Variants in KCNN2 observed in about 807,000 individuals in gnomAD.
The protein encoded by KCNN2 is potassium calcium-activated channel subfamily N member 2, also known as small conductance calcium-activated potassium channel protein 2.
Under a neutral mutation model 55.5 loss-of-function variants are expected in KCNN2, and 24 were observed. That is an observed-to-expected ratio of 0.43 (90% CI 0.31 to 0.61). The LOEUF is 0.61. Among genes scored for constraint, KCNN2 ranks in the 20% least tolerant of loss-of-function variants. KCNN2 has a pLI of 0.08. For synonymous variants in KCNN2, 431 were observed against 336.1 expected (o/e 1.28, Z -3.09); for missense variants, 754 against 853.6 (o/e 0.88, Z 1.45).
At chr5:114,363,304 T>G (rs758233353) in intron 1 of KCNN2, 43 bp downstream of exon 1, 1 of 1,520,634 alleles carries the variant, frequency 6.6e-7, no homozygotes, top group Admixed American at 2.0e-5. Flanking sequence ...AGTCGGGCAC[T>G]GGGTGGTTGG....
chr5:114,140,597 A>G (rs76561310), intron 1 of KCNN2, among the ~76,000 whole-genome samples: 16,551 of 152,064 alleles, frequency 0.11, 1,150 homozygotes, highest in South Asian at 0.23. Context: ...AAAAATTTTT[A>G]TACAAATAAA....
At chr5:114,304,327 G>A (rs993434040) in intron 2 of KCNN2, among the ~76,000 whole-genome samples, 2 of 152,204 alleles carry the variant, frequency 1.3e-5, no homozygotes, top group Non-Finnish European at 2.9e-5. Flanking sequence ...GGTGTCATGG[G>A]AGTCTGGGCC....
chr5:114,319,967 C>A (rs1756581446), intron 2 of KCNN2, among the ~76,000 whole-genome samples: 2 of 152,260 alleles, frequency 1.3e-5, no homozygotes, highest in South Asian at 4.1e-4. Flanking sequence ...AGAAAGACTT[C>A]TATTTTCAGT....
intron 2 of KCNN2, among the ~76,000 whole-genome samples, chr5:114,253,262 A>G (rs1253102001): frequency 1.3e-5 from 2 of 152,034 alleles, no homozygotes; most frequent in Admixed American, 6.6e-5. Flanking sequence ...ACTAGAATTA[A>G]TAATCTGAAG....
At chr5:114,486,932 G>T (rs1162148999) in intron 5 of KCNN2, 118 bp from the exon 6 acceptor site, 7 of 1,296,860 alleles carry the variant, frequency 5.4e-6, no homozygotes, top group African/African-American at 1.5e-5. Flanking sequence ...TGGAGTCATG[G>T]TTACTAAATG....
chr5:114,496,317 T>TA lies in KCNN2; in HGVS notation c.*137dup, dbSNP rs1748121241. 1.0e-6 allele frequency: 1 copy of TA among 961,900 alleles called. No individual in the cohort carries two copies. The highest frequency in any genetic ancestry group is 1.8e-5 in the South Asian group (1 of 55,820). The allele number at this position is 961,900 out of a possible 1,614,324, so 59.6% of individuals were successfully genotyped here. A position where few individuals can be genotyped will look rare whatever the true frequency, so the allele number is the denominator to read the frequency against. Reference sequence around the variant, plus strand: ...GTCAGAATCCTGGGAACCTGAACACTAAGTTTTAGGCCAAAATGAGTGAAA... The same window carrying TA: ...GTCAGAATCCTGGGAACCTGAACACTAAAGTTTTAGGCCAAAATGAGTGAAA... On this transcript the variant is annotated 3_prime_UTR_variant, in exon 8 of 8. Transcript: ENST00000673685.
intron 1 of KCNN2, among the ~76,000 whole-genome samples, chr5:114,116,020 G>A (rs1751702437): frequency 6.6e-6 from 1 of 152,060 alleles, no homozygotes; most frequent in Non-Finnish European, 1.5e-5. Context: ...GAATAAAGGA[G>A]GGAGAATGCA....
At chr5:114,108,737 G>T (rs1751537059) in intron 1 of KCNN2, among the ~76,000 whole-genome samples, 1 of 152,048 alleles carries the variant, frequency 6.6e-6, no homozygotes, top group African/African-American at 2.4e-5. Flanking sequence ...ATGCCATTGA[G>T]TGAATAGGAC....
intron 1 of KCNN2, among the ~76,000 whole-genome samples, chr5:114,123,351 A>AT (rs1172994171): frequency 0.026 from 1,673 of 65,018 alleles, 345 homozygotes; most frequent in Non-Finnish European, 0.034. Context: ...CATTTTCTTA[A>AT]TTTTTTTTTT....
chr5:114,152,124 G>A (rs1361901755), intron 1 of KCNN2, among the ~76,000 whole-genome samples: 1 of 152,010 alleles, frequency 6.6e-6, no homozygotes, highest in Non-Finnish European at 1.5e-5. Flanking sequence ...CTTTGGCATA[G>A]CAATAAAAAT....
intron 1 of KCNN2, among the ~76,000 whole-genome samples, chr5:114,168,925 A>G (rs1752974730): frequency 6.6e-6 from 1 of 152,004 alleles, no homozygotes; most frequent in African/African-American, 2.4e-5. Context: ...GATCCCACGT[A>G]TTGGAGGTAG....
intron 3 of KCNN2, among the ~76,000 whole-genome samples, chr5:114,420,422 C>G (rs950750570): frequency 6.6e-6 from 1 of 152,158 alleles, no homozygotes; most frequent in Non-Finnish European, 1.5e-5. Flanking sequence ...TCTTTGTCCC[C>G]TGGTCTCTGC....
chr5:114,209,732 C>A (rs147481282), intron 1 of KCNN2, among the ~76,000 whole-genome samples: 7 of 152,250 alleles, frequency 4.6e-5, no homozygotes, highest in Non-Finnish European at 8.8e-5. Flanking sequence ...CTGCTAAAAT[C>A]TCTGTTCAGC....
chr5:114,062,341 G>T (rs780227834), intron 1 of KCNN2, among the ~76,000 whole-genome samples: 1 of 152,148 alleles, frequency 6.6e-6, no homozygotes, highest in Non-Finnish European at 1.5e-5. Context: ...GGATGATTTT[G>T]GCTGTAGTGG....
intron 3 of KCNN2, among the ~76,000 whole-genome samples, chr5:114,411,332 C>T (rs916671782): frequency 6.6e-6 from 1 of 152,044 alleles, no homozygotes; most frequent in Non-Finnish European, 1.5e-5. Context: ...TAGAGAAGCA[C>T]AACCAAGAGG....
At chr5:114,099,193 A>G (rs1275766764) in intron 1 of KCNN2, among the ~76,000 whole-genome samples, 1 of 152,142 alleles carries the variant, frequency 6.6e-6, no homozygotes, top group Non-Finnish European at 1.5e-5. Context: ...TTCTTCCTCC[A>G]GTATTAAGAC....
chr5:114,291,535 C>A (rs1205284614), intron 2 of KCNN2, among the ~76,000 whole-genome samples: 1 of 151,700 alleles, frequency 6.6e-6, no homozygotes, highest in African/African-American at 2.4e-5. Flanking sequence ...TTTTTTATGG[C>A]TGCATAGTAT....
chr5:114,117,351 G>T (rs1411906084), intron 1 of KCNN2, among the ~76,000 whole-genome samples: 2 of 152,162 alleles, frequency 1.3e-5, no homozygotes, highest in Non-Finnish European at 2.9e-5. Flanking sequence ...TCTGACCACT[G>T]TGGTAACCCT....
At chr5:114,339,849 A>AT (rs70976339) in intron 2 of KCNN2, among the ~76,000 whole-genome samples, 15 of 152,040 alleles carry the variant, frequency 9.9e-5, no homozygotes, top group Non-Finnish European at 1.6e-4. Flanking sequence ...AAATAAATAA[A>AT]AATGCATGAT....
Sources: gnomAD v4.1 joint callset for allele counts (sites outside exome capture counted in the v4.1 genomes callset) on GRCh38, gnomAD v4.1.1 for gene constraint, MANE v1.5 for transcripts, NCBI Gene and HGNC (gene_info 2026-07-23, HGNC 2026-07-21) for gene names.